Variants in WDR27 observed in about 807,000 individuals in gnomAD.
The protein encoded by WDR27 is WD repeat domain 27.
Under a neutral mutation model 114.4 loss-of-function variants are expected in WDR27, and 100 were observed. The observed-to-expected ratio is 0.87, with a 90% CI of 0.74 to 1.03. The LOEUF (loss-of-function observed/expected upper bound fraction) is 1.03. Ranked by LOEUF, WDR27 falls within the 50% of genes least tolerant of loss-of-function variation. The pLI, the probability that WDR27 is intolerant of heterozygous loss-of-function variation, is 0.00. For missense variants in WDR27, 1,129 were observed against 1,092.9 expected (o/e 1.03, Z -0.47); for synonymous variants, 449 against 423.1 (o/e 1.06, Z -0.75).
intron 8 of WDR27, among the ~76,000 whole-genome samples, chr6:169,663,030 G>A (rs1271762191): frequency 1.3e-5 from 2 of 151,474 alleles, no homozygotes; most frequent in Non-Finnish European, 2.9e-5. Flanking sequence ...AAAGCACAAA[G>A]GTAACACCCA....
intron 1 of WDR27, among the ~76,000 whole-genome samples, chr6:169,695,488 G>T (rs747007289): frequency 6.6e-6 from 1 of 152,190 alleles, no homozygotes; most frequent in South Asian, 2.1e-4. Context: ...AACAGACATC[G>T]CTTCTCTAAT....
chr6:169,445,339 T>C, the WDR27 span, among the ~76,000 whole-genome samples: 2 of 152,056 alleles, frequency 1.3e-5, no homozygotes, highest in Non-Finnish European at 2.9e-5. Context: ...AGAGGAGACT[T>C]CCTGGGGTCT....
chr6:169,617,058 A>G (rs1811995981), intron 21 of WDR27, among the ~76,000 whole-genome samples: 1 of 152,208 alleles, frequency 6.6e-6, no homozygotes, highest in Non-Finnish European at 1.5e-5. Flanking sequence ...TCAACAATGC[A>G]CAATGTTGCT....
chr6:169,495,341 A>G (rs932760583), intron 25 of WDR27, among the ~76,000 whole-genome samples: 2 of 152,128 alleles, frequency 1.3e-5, no homozygotes, highest in Admixed American at 1.3e-4. Flanking sequence ...TTACATTTAT[A>G]AACAAGAAGA....
chr6:169,517,725 T>C (rs1362801844), intron 25 of WDR27, among the ~76,000 whole-genome samples: 1 of 152,218 alleles, frequency 6.6e-6, no homozygotes, highest in African/African-American at 2.4e-5. Context: ...TGAAGGATCA[T>C]TTTGCTGGAT....
chr6:169,531,035 G>T (rs1562539966), intron 25 of WDR27, among the ~76,000 whole-genome samples: 1 of 152,126 alleles, frequency 6.6e-6, no homozygotes, highest in Non-Finnish European at 1.5e-5. Context: ...CTGACATGTT[G>T]TCTGTGTTTT....
At chr6:169,638,250 A>G (rs1256067319) in intron 18 of WDR27, among the ~76,000 whole-genome samples, 1 of 74,570 alleles carries the variant, frequency 1.3e-5, no homozygotes, top group Non-Finnish European at 2.4e-5. Context: ...CGGGAAGCGG[A>G]GCTTGCAGTG....
At chr6:169,540,222 C>T (rs1027521600) in intron 25 of WDR27, among the ~76,000 whole-genome samples, 1 of 152,140 alleles carries the variant, frequency 6.6e-6, no homozygotes. Flanking sequence ...CAAAACATTC[C>T]TCACACCCAA....
chr6:169,461,745 A>C (rs1279977326), intron 25 of WDR27, among the ~76,000 whole-genome samples: 2 of 151,956 alleles, frequency 1.3e-5, no homozygotes, highest in African/African-American at 4.8e-5. Context: ...AAGCTAGCAG[A>C]GGAAGTAAAT....
At chr6:169,565,936 A>G (rs1800394772) in intron 25 of WDR27, among the ~76,000 whole-genome samples, 1 of 152,196 alleles carries the variant, frequency 6.6e-6, no homozygotes, top group South Asian at 2.1e-4. Flanking sequence ...GAGCCACTGC[A>G]CCTATAGCCC....
chr6:169,549,953 G>T (rs1246007360), intron 25 of WDR27, among the ~76,000 whole-genome samples: 1 of 152,282 alleles, frequency 6.6e-6, no homozygotes, highest in African/African-American at 2.4e-5. Context: ...TGTCATGGTG[G>T]ATGATGCCAT....
intron 21 of WDR27, among the ~76,000 whole-genome samples, chr6:169,628,158 G>A (rs1157198654): frequency 6.6e-6 from 1 of 152,012 alleles, no homozygotes; most frequent in Non-Finnish European, 1.5e-5. Flanking sequence ...TATGAGGGAG[G>A]TTTCAAGGAG....
At chr6:169,434,904 G>A in the WDR27 span, among the ~76,000 whole-genome samples, 2 of 152,348 alleles carry the variant, frequency 1.3e-5, no homozygotes, top group African/African-American at 2.4e-5. Context: ...TGGGAAAAAT[G>A]TCTCCAGGAC....
chr6:169,535,367 C>T (rs1310495914), intron 25 of WDR27, among the ~76,000 whole-genome samples: 1 of 152,118 alleles, frequency 6.6e-6, no homozygotes, highest in African/African-American at 2.4e-5. Flanking sequence ...CACAGTTTTA[C>T]GACTCAAAAC....
At chr6:169,643,857 C>A in intron 16 of WDR27, 71 bp from the exon 17 acceptor site, 1 of 1,272,968 alleles carries the variant, frequency 7.9e-7, no homozygotes, top group Non-Finnish European at 1.1e-6. Flanking sequence ...GTAGAAAAGC[C>A]TAGTTCACAG....
intron 1 of WDR27, among the ~76,000 whole-genome samples, chr6:169,693,844 A>G (rs1448335048): frequency 6.6e-6 from 1 of 152,212 alleles, no homozygotes; most frequent in African/African-American, 2.4e-5. Flanking sequence ...ACTTCATAAA[A>G]CAATTATGAC....
chr6:169,683,791 A>T (rs1782177864), intron 2 of WDR27, among the ~76,000 whole-genome samples: 1 of 152,166 alleles, frequency 6.6e-6, no homozygotes, highest in Non-Finnish European at 1.5e-5. Context: ...CAAACACCTG[A>T]AGTCTTTACA....
chr6:169,603,451 T>G (rs1479505413), intron 22 of WDR27, among the ~76,000 whole-genome samples: 3 of 152,194 alleles, frequency 2.0e-5, no homozygotes, highest in African/African-American at 7.2e-5. Context: ...ATCAAAGTAC[T>G]CATAATCCTT....
At position 169,668,196 on chromosome 6, in the gene WDR27, A is replaced by C; in HGVS notation, c.457-11T>G. 6.2e-7 allele frequency: 1 copy of C among 1,613,756 alleles called. No individual in the cohort carries two copies. Among genetic ancestry groups the C allele is most frequent in the Non-Finnish European group, 8.5e-7 (1 of 1,179,722 alleles). Reference sequence around the variant, plus strand: ...CACAGAAAATCGCTGCTATTAAAATAAAGCCCAAATTATTCCTCTGTTCAA... The same window carrying C: ...CACAGAAAATCGCTGCTATTAAAATCAAGCCCAAATTATTCCTCTGTTCAA... On this transcript the variant is annotated splice_polypyrimidine_tract_variant and intron_variant, in intron 4 of 25. Transcript: ENST00000448612.
Sources: allele counts gnomAD v4.1 joint callset (sites outside exome capture counted in the v4.1 genomes callset), GRCh38; gene constraint gnomAD v4.1.1; transcripts MANE v1.5; gene names NCBI Gene and HGNC (gene_info 2026-07-23, HGNC 2026-07-21).